Variants in PCDHGA7 observed in about 807,000 individuals in gnomAD.
PCDHGA7 encodes the protein protocadherin gamma-A7.
A neutral mutation model predicts 58.3 loss-of-function variants in PCDHGA7; 44 were observed. The ratio of observed to expected loss-of-function variants is 0.75; its 90% CI spans 0.59 to 0.97. The LOEUF is 0.97. Ranked by LOEUF, PCDHGA7 falls within the 50% of genes least tolerant of loss-of-function variation. PCDHGA7 has a pLI of 0.00. For missense variants in PCDHGA7, 1,266 were observed against 1,188.7 expected (o/e 1.06, Z -0.96); for synonymous variants, 516 against 504.2 (o/e 1.02, Z -0.31).
At position 141,476,639 on chromosome 5, in the gene PCDHGA7, A is replaced by G; in HGVS notation, c.2425-18168A>G. 1.2e-6 allele frequency: 2 copies of G among 1,614,206 alleles called. No individual in the cohort carries two copies. Among genetic ancestry groups the G allele is most frequent in the Non-Finnish European group, 1.7e-6 (2 of 1,180,038 alleles). On this transcript the variant is annotated intron_variant, in intron 1 of 3. Transcript: ENST00000518325. The surrounding 1 kb of genome is among the most constrained non-coding windows in gnomAD (Gnocchi z 7.6). ...CAACTCTTTACAAACCTATGAGCTG[A>G]GCCGAAATGAATACTTTGCGCTTCG...
At chr5:141,415,185 C>G (rs375113497) in intron 1 of PCDHGA7, 66 of 1,613,860 alleles carry the variant, frequency 4.1e-5, no homozygotes, top group Non-Finnish European at 5.4e-5. Flanking sequence ...CCGTGGCCGA[C>G]AGCATCCCCC....
At chr5:141,387,676 G>A (rs1218377613) in intron 1 of PCDHGA7, 7 of 732,116 alleles carry the variant, frequency 9.6e-6, no homozygotes, top group Non-Finnish European at 1.5e-5. Flanking sequence ...AGATCTCCTC[G>A]CGCAGCCGCA....
intron 1 of PCDHGA7, chr5:141,413,400 G>T: frequency 6.2e-7 from 1 of 1,614,060 alleles, no homozygotes. Context: ...CCAGAGGTAG[G>T]ACGCAGCTTT....
In PCDHGA7 at chr5:141,384,537, G is replaced by A; in HGVS notation, c.1638G>A (p.Met546Ile). 1.2e-6 allele frequency: 2 copies of A among 1,614,248 alleles called. No individual in the cohort carries two copies. The highest frequency in any genetic ancestry group is 1.7e-6 in the Non-Finnish European group (2 of 1,180,050). Residue 546 changes from methionine to isoleucine, a missense_variant, in exon 1 of 4, where the codon ATG (methionine) becomes ATA (isoleucine). Coordinates refer to ENST00000518325, the MANE Select transcript of PCDHGA7 (RefSeq NM_018920.4). The part of the protein sequence containing the change: ...DSGDPPLSSN[M>I]SLSLFVLDQN... ...GGGACCCGCCTCTCAGCAGCAACAT[G>A]TCACTGAGCCTGTTCGTGCTGGACC...
intron 1 of PCDHGA7, among the ~76,000 whole-genome samples, chr5:141,451,138 A>T (rs1348825654): frequency 6.6e-6 from 1 of 152,242 alleles, no homozygotes; most frequent in East Asian, 1.9e-4. Flanking sequence ...TTATGATTGT[A>T]TTTAGACTAG....
chr5:141,397,992 C>T (rs1449951628), intron 1 of PCDHGA7: 3 of 1,349,734 alleles, frequency 2.2e-6, no homozygotes, highest in Non-Finnish European at 3.0e-6. Context: ...ACACCGCTTC[C>T]TCCTCGGAAA....
intron 1 of PCDHGA7, among the ~76,000 whole-genome samples, chr5:141,456,902 G>A (rs886945444): frequency 6.6e-6 from 1 of 152,294 alleles, no homozygotes; most frequent in South Asian, 2.1e-4. Flanking sequence ...GGCAGAGGTT[G>A]CAGTGAGCCG....
intron 1 of PCDHGA7, among the ~76,000 whole-genome samples, chr5:141,444,558 T>C (rs2098440789): frequency 6.6e-6 from 1 of 152,190 alleles, no homozygotes; most frequent in African/African-American, 2.4e-5. Context: ...AAGGCACTTA[T>C]TTGACACTTT....
At chr5:141,429,542 A>G (rs1484411621) in intron 1 of PCDHGA7, among the ~76,000 whole-genome samples, 3 of 152,188 alleles carry the variant, frequency 2.0e-5, no homozygotes, top group African/African-American at 7.2e-5. Context: ...AAATAAGAAC[A>G]TGGTAATGAT....
chr5:141,477,857 C>T lies in PCDHGA7; in HGVS notation c.2425-16950C>T. ...AGGTGGGAGCTCGGTGGAGATGCTG[C>T]CTCGAGGTACCTCAGCTGGCCACCT... On this transcript the variant is annotated intron_variant, in intron 1 of 3. Transcript: ENST00000518325. The surrounding 1 kb of genome is among the most constrained non-coding windows in gnomAD (Gnocchi z 4.9). The T allele has an allele frequency of 6.2e-7, 1 of 1,613,574 alleles. No individual in the cohort carries two copies. The highest frequency in any genetic ancestry group is 8.5e-7 in the Non-Finnish European group (1 of 1,179,836).
intron 1 of PCDHGA7, chr5:141,388,273 C>G: frequency 6.3e-7 from 1 of 1,597,470 alleles, no homozygotes; most frequent in East Asian, 2.3e-5. Context: ...AATGACCACA[C>G]GCCAAAATTC....
chr5:141,389,286 T>C, intron 1 of PCDHGA7: 1 of 1,614,018 alleles, frequency 6.2e-7, no homozygotes, highest in Non-Finnish European at 8.5e-7. Context: ...GCCTGGAGCC[T>C]CTATTTCACA....
rs543209695 is a variant in PCDHGA7 at position 141,431,563 on chromosome 5, C to T, written c.2424+46240C>T. 24 of 1,614,026 alleles carry T rather than the reference C, an allele frequency of 1.5e-5. No individual in the cohort carries two copies. Among genetic ancestry groups the T allele is most frequent in the Non-Finnish European group, 1.9e-5 (23 of 1,180,046 alleles). ...AGCTGCTTGTAGTCAACGCTACCGA[C>T]CCTGACGAAGGAGTCAATGCGGAAG... On this transcript the variant is annotated intron_variant, in intron 1 of 3. Transcript: ENST00000518325. The surrounding 1 kb of genome is among the most constrained non-coding windows in gnomAD (Gnocchi z 4.8).
Position 141,453,588 on chromosome 5 carries a change from CTG to C in PCDHGA7, c.2425-41215_2425-41214del, listed in dbSNP as rs572244169. ...TTCATTAGTTTGTGGTTTATCCTCA[CTG>C]TGTTTCTTTTTGCAAAACGCAAAAA... On this transcript the variant is annotated intron_variant, in intron 1 of 3. Coordinates refer to ENST00000518325, the MANE Select transcript of PCDHGA7 (RefSeq NM_018920.4). Among the ~76,000 whole-genome samples the C allele has an allele frequency of 5.9e-5, 9 of 152,296 alleles. No individual in the cohort carries two copies. In the South Asian group the frequency reaches 1.5e-3, roughly 25 times the overall value.
intron 1 of PCDHGA7, 84 bp from the exon 2 acceptor site, chr5:141,494,723 C>T: frequency 1.9e-6 from 3 of 1,606,114 alleles, no homozygotes; most frequent in Non-Finnish European, 2.6e-6. Flanking sequence ...TCCCCTCCTT[C>T]TCTCCCGGCC....
intron 1 of PCDHGA7, chr5:141,441,088 G>A (rs1050261040): frequency 3.9e-5 from 6 of 152,162 alleles, no homozygotes; most frequent in African/African-American, 1.4e-4. Context: ...GGTAGCAAGT[G>A]ACAGAGAGGG....
At chr5:141,503,474 T>C (rs2099820145) in intron 2 of PCDHGA7, among the ~76,000 whole-genome samples, 1 of 151,828 alleles carries the variant, frequency 6.6e-6, no homozygotes, top group South Asian at 2.1e-4. Context: ...ATGTGTGCAC[T>C]TGTCGTCCCA....
chr5:141,390,388 G>A, intron 1 of PCDHGA7: 1 of 1,423,474 alleles, frequency 7.0e-7, no homozygotes, highest in African/African-American at 1.4e-5. Flanking sequence ...TAGATGTCAT[G>A]GATCATTTTA....
rs1221295650 is a variant in PCDHGA7 at position 141,489,576 on chromosome 5, C to A, written c.2425-5231C>A. 3 of 1,613,936 alleles carry A rather than the reference C, an allele frequency of 1.9e-6. No individual in the cohort carries two copies. Among genetic ancestry groups the A allele is most frequent in the Non-Finnish European group, 2.5e-6 (3 of 1,179,984 alleles). ...TGCCAGTGCAGGTGGTGACTGAACA[C>A]CCCCTGGAGCTAATCCGTGTAGAGG... On this transcript the variant is annotated intron_variant, in intron 1 of 3. Transcript: ENST00000518325. This position sits in a 1 kb window ranked among gnomAD's most constrained non-coding sequence, Gnocchi z 4.5.
Sources: gnomAD v4.1 joint callset for allele counts (sites outside exome capture counted in the v4.1 genomes callset) on GRCh38, gnomAD v4.1.1 for gene constraint, Gnocchi (gnomAD v3.1) non-coding constraint, MANE v1.5 for transcripts, NCBI Gene and HGNC (gene_info 2026-07-23, HGNC 2026-07-21) for gene names.